C5AR1: variants seen among roughly 807,000 people sequenced by gnomAD.
C5AR1 encodes C5a anaphylatoxin chemotactic receptor 1.
C5AR1 carries 4 observed loss-of-function variants against 2.4 expected under a neutral mutation model. The ratio of observed to expected loss-of-function variants is 1.65; its 90% CI spans 0.81 to 3.77. The LOEUF (loss-of-function observed/expected upper bound fraction) is 3.77, where lower values mean the gene tolerates loss of function less well. C5AR1 is among the 30% of genes most tolerant of loss of function. The probability of loss-of-function intolerance (pLI) is 0.01; values close to 1 mark genes in which losing one functional copy is unlikely to be tolerated. For missense variants in C5AR1, 418 were observed against 462.5 expected (o/e 0.90, Z 0.88); for synonymous variants, 209 against 210.4 (o/e 0.99, Z 0.06).
Position 47,320,487 on chromosome 19 carries a change from C to T in C5AR1, c.710C>T (p.Ser237Phe). ...ACGTGGAGCCGCAGGGCCACGCGGT[C>T]CACCAAGACACTCAAGGTGGTGGTG... ...LRTWSRRATRSTKTLKVVVAV... is the reference protein window; with the variant it reads ...LRTWSRRATRFTKTLKVVVAV... Residue 237 changes from serine (S) to phenylalanine (F), a missense_variant, in exon 2 of 2, where the codon TCC (serine) becomes TTC (phenylalanine). Transcript: ENST00000355085. This position sits in a 1 kb window ranked among gnomAD's most constrained non-coding sequence, Gnocchi z 4.9. 1 of 1,613,838 alleles carries T rather than the reference C, an allele frequency of 6.2e-7. No homozygotes were observed. Among genetic ancestry groups the T allele is most frequent in the Non-Finnish European group, 8.5e-7 (1 of 1,180,014 alleles).
In C5AR1 at chr19:47,319,873, G is replaced by T. The variant is rs370739098; in HGVS notation, c.96G>T (p.Thr32=). The T allele has an allele frequency of 1.2e-6, 2 of 1,614,150 alleles. No individual in the cohort carries two copies. Among genetic ancestry groups the T allele is most frequent in the Admixed American group, 1.7e-5 (1 of 60,022 alleles). Residue 32 remains threonine (T), a synonymous_variant, in exon 2 of 2, where the codon ACG becomes ACT. Transcript: ENST00000355085. The part of the protein sequence containing the change: ...LNTPVDKTSN[T]LRVPDILALV... ...CCCCTGTGGATAAAACTTCTAACACGCTGCGTGTTCCAGACATCCTGGCCT... is the reference window on the plus strand; with the variant it reads ...CCCCTGTGGATAAAACTTCTAACACTCTGCGTGTTCCAGACATCCTGGCCT...
At chr19:47,312,275 G>A (rs936847529) in intron 1 of C5AR1, among the ~76,000 whole-genome samples, 10 of 151,962 alleles carry the variant, frequency 6.6e-5, no homozygotes, top group African/African-American at 2.2e-4. Context: ...TAGTAGAGAC[G>A]GGGTTTCACC....
At chr19:47,310,281 C>T (rs188868793) in intron 1 of C5AR1, among the ~76,000 whole-genome samples, 380 of 152,082 alleles carry the variant, frequency 2.5e-3, no homozygotes, top group African/African-American at 8.7e-3. Context: ...TGTGCCAAGG[C>T]GGGAGGATTG....
chr19:47,314,058 C>G (rs932497436), intron 1 of C5AR1, among the ~76,000 whole-genome samples: 4 of 152,212 alleles, frequency 2.6e-5, no homozygotes, highest in African/African-American at 9.6e-5. Context: ...GCACCCTTGT[C>G]TAAGCCACCG....
At chr19:47,319,234 G>A (rs1350946131) in intron 1 of C5AR1, among the ~76,000 whole-genome samples, 1 of 151,390 alleles carries the variant, frequency 6.6e-6, no homozygotes, top group African/African-American at 2.4e-5. Context: ...AAGCCCAGGG[G>A]CTTCGCAGGA....
intron 1 of C5AR1, among the ~76,000 whole-genome samples, chr19:47,318,486 G>T (rs1453108191): frequency 6.6e-6 from 1 of 151,850 alleles, no homozygotes; most frequent in African/African-American, 2.4e-5. Context: ...TAGAGACGGG[G>T]TTTCACCATG....
In C5AR1 at chr19:47,316,101, G is replaced by C. The variant is rs938369881; in HGVS notation, c.4-3680G>C. Among the ~76,000 whole-genome samples, 7 of 151,996 alleles carry C rather than the reference G, an allele frequency of 4.6e-5. No individual in the cohort carries two copies. In the South Asian group the frequency reaches 1.2e-3, roughly 27 times the overall value. ...ACTCACTGCAACCTCCACCTCCCAG[G>C]TTCAAGCGATTCTCCTGCCTCAGCC... On this transcript the variant is annotated intron_variant, in intron 1 of 1. Coordinates refer to ENST00000355085, the MANE Select transcript of C5AR1 (RefSeq NM_001736.4).
At chr19:47,319,286 C>T (rs2059300210) in intron 1 of C5AR1, among the ~76,000 whole-genome samples, 1 of 144,478 alleles carries the variant, frequency 6.9e-6, no homozygotes, top group Admixed American at 7.2e-5. Flanking sequence ...AGGGGTCCAA[C>T]TAGCATGGAA....
chr19:47,315,011 G>A (rs2059281713), intron 1 of C5AR1, among the ~76,000 whole-genome samples: 1 of 151,944 alleles, frequency 6.6e-6, no homozygotes, highest in Admixed American at 6.6e-5. Flanking sequence ...AGATCTTGGA[G>A]GTCTTTCCAC....
chr19:47,319,645 T>C, intron 1 of C5AR1, 136 bp from the exon 2 acceptor site: 2 of 643,524 alleles, frequency 3.1e-6, no homozygotes, highest in Non-Finnish European at 5.5e-6. Context: ...CCTAGTTGAC[T>C]CTCAGCCCTC....
In C5AR1 at chr19:47,320,388, T is replaced by C. The variant is rs781396794; in HGVS notation, c.611T>C (p.Ile204Thr). 1.2e-6 allele frequency: 2 copies of C among 1,610,012 alleles called. No individual in the cohort carries two copies. The highest frequency in any genetic ancestry group is 1.7e-5 in the Admixed American group (1 of 59,996). The change falls in exon 2 of 2, where the codon ATC (isoleucine) becomes ACC (threonine). Residue 204 changes from isoleucine (I) to threonine (T), a missense_variant. Coordinates refer to ENST00000355085, the MANE Select transcript of C5AR1 (RefSeq NM_001736.4). This position sits in a 1 kb window ranked among gnomAD's most constrained non-coding sequence, Gnocchi z 4.9. ...HDKRRERAVA[I>T]VRLVLGFLWP... The stretch of plus-strand genomic sequence containing the variant: ...AAACGGCGGGAGCGAGCCGTGGCCA[T>C]CGTCCGGCTGGTCCTGGGCTTCCTG...
upstream of C5AR1, among the ~76,000 whole-genome samples, chr19:47,309,270 G>A (rs1270278766): frequency 6.6e-6 from 1 of 152,038 alleles, no homozygotes; most frequent in Non-Finnish European, 1.5e-5. Flanking sequence ...GGCGTCTTAG[G>A]AGGAAAGAGA....
At chr19:47,313,571 A>T (rs941915639) in intron 1 of C5AR1, among the ~76,000 whole-genome samples, 5 of 151,530 alleles carry the variant, frequency 3.3e-5, no homozygotes, top group African/African-American at 1.2e-4. Context: ...ACACGGTGAA[A>T]CCCTGTCTCT....
At chr19:47,310,038 A>C in intron 1 of C5AR1, 140 bp downstream of exon 1, 1 of 787,166 alleles carries the variant, frequency 1.3e-6, no homozygotes, top group Non-Finnish European at 2.0e-6. Flanking sequence ...CCTGTCTTCC[A>C]CCTCCCACCT....
Position 47,320,889 on chromosome 19 carries a change from T to A in C5AR1, c.*59T>A. ...CCCCTTCCTTCCCGGCCATTCTCCC[T>A]CTTGTTTTCACTTCACTTTTCGTGG... is the stretch of plus-strand genomic sequence containing the variant. On this transcript the variant is annotated 3_prime_UTR_variant, in exon 2 of 2. Transcript: ENST00000355085. The surrounding 1 kb of genome is among the most constrained non-coding windows in gnomAD (Gnocchi z 4.9). 1.4e-6 allele frequency: 2 copies of A among 1,464,458 alleles called. No individual in the cohort carries two copies. The highest frequency in any genetic ancestry group is 1.9e-6 in the Non-Finnish European group (2 of 1,080,024). The allele number at this position is 1,464,458 out of a possible 1,614,324, so 90.7% of individuals were successfully genotyped here.
chr19:47,319,828 G>C lies in C5AR1; in HGVS notation c.51G>C (p.Lys17Asn). 6.2e-7 allele frequency: 1 copy of C among 1,613,824 alleles called. No homozygotes were observed. Among genetic ancestry groups the C allele is most frequent in the Non-Finnish European group, 8.5e-7 (1 of 1,179,772 alleles). Residue 17 changes from lysine (K) to asparagine (N), a missense_variant, in exon 2 of 2, where the codon AAG (lysine) becomes AAC (asparagine). Transcript: ENST00000355085. ...CTGATTATGGGCACTATGATGACAA[G>C]GATACCCTGGACCTCAACACCCCTG... ...TTPDYGHYDD[K>N]DTLDLNTPVD...
intron 1 of C5AR1, among the ~76,000 whole-genome samples, chr19:47,318,721 G>T (rs1424460848): frequency 6.6e-6 from 1 of 152,020 alleles, no homozygotes; most frequent in African/African-American, 2.4e-5. Context: ...TCAGTGCCCT[G>T]ATGGGTGCTT....
In C5AR1 at chr19:47,320,344, C is replaced by T. The variant is rs200347626; in HGVS notation, c.567C>T (p.Gly189=). The change falls in exon 2 of 2, where the codon GGC becomes GGT. Residue 189 remains glycine, a synonymous_variant. Coordinates refer to ENST00000355085, the MANE Select transcript of C5AR1 (RefSeq NM_001736.4). This position sits in a 1 kb window ranked among gnomAD's most constrained non-coding sequence, Gnocchi z 4.9. ...ACTTTCCACCAAAGGTGTTGTGTGG[C>T]GTGGACTACAGCCACGACAAACGGC... ...EEYFPPKVLC[G]VDYSHDKRRE... The T allele has an allele frequency of 1.6e-4, 257 of 1,609,776 alleles. No individual in the cohort carries two copies. In the South Asian group the frequency reaches 1.8e-3, roughly 11 times the overall value.
At chr19:47,309,046 A>G (rs559994306), upstream of C5AR1, among the ~76,000 whole-genome samples, 4 of 152,200 alleles carry the variant, frequency 2.6e-5, no homozygotes, top group East Asian at 5.8e-4. Context: ...AAGTGCTGGG[A>G]TTATAGGTGT....
Sources: gnomAD v4.1 joint callset for allele counts (sites outside exome capture counted in the v4.1 genomes callset) on GRCh38, gnomAD v4.1.1 for gene constraint, Gnocchi (gnomAD v3.1) non-coding constraint, MANE v1.5 for transcripts, NCBI Gene and HGNC (gene_info 2026-07-23, HGNC 2026-07-21) for gene names.